PIEZO2: variants seen among roughly 807,000 people sequenced by gnomAD.
PIEZO2 encodes the protein piezo type mechanosensitive ion channel component 2.
Under a neutral mutation model 337.3 loss-of-function variants are expected in PIEZO2, and 172 were observed. The observed-to-expected ratio is 0.51, with a 90% CI of 0.45 to 0.58. The LOEUF is 0.58. PIEZO2 is among the 20% of genes least tolerant of loss of function. The probability of loss-of-function intolerance (pLI) is 0.00; values close to 1 mark genes in which losing one functional copy is unlikely to be tolerated. For missense variants in PIEZO2, 3,028 were observed against 3,391.3 expected, an observed-to-expected ratio of 0.89 and a Z score of 2.66; for synonymous variants, 1,251 against 1,228.5, an observed-to-expected ratio of 1.02 and a Z score of -0.38.
intron 42 of PIEZO2, 186 bp downstream of exon 42, chr18:10,704,208 G>A (rs903203304): frequency 1.1e-4 from 82 of 750,556 alleles, no homozygotes; most frequent in Non-Finnish European, 9.6e-5. Flanking sequence ...TTAGAATTGC[G>A]AGTGCTAGGT....
At position 10,794,590 on chromosome 18, in the gene PIEZO2, C is replaced by A. The variant is rs1385301844; in HGVS notation, c.1758+182G>T. 1.3e-5 allele frequency among the ~76,000 whole-genome samples: 2 copies of A among 152,108 alleles called. No individual in the cohort carries two copies. Among genetic ancestry groups the A allele is most frequent in the Non-Finnish European group, 2.9e-5 (2 of 68,030 alleles). On this transcript the variant is annotated intron_variant, in intron 13 of 55. Coordinates refer to ENST00000674853, the MANE Select transcript of PIEZO2 (RefSeq NM_001378183.1). The surrounding 1 kb of genome is among the most constrained non-coding windows in gnomAD (Gnocchi z 6.6). ...GCTAAATCATGGTGTAATATATGTT[C>A]ATGTTTAAATTATAGAGGCCTCTAA...
chr18:11,100,414 A>C (rs1435903860), intron 1 of PIEZO2, among the ~76,000 whole-genome samples: 1 of 152,240 alleles, frequency 6.6e-6, no homozygotes. Flanking sequence ...TTGACACTAA[A>C]GTGATGATGG....
intron 7 of PIEZO2, among the ~76,000 whole-genome samples, chr18:10,845,211 T>TAC (rs1485204623): frequency 6.6e-6 from 1 of 151,706 alleles, no homozygotes; most frequent in Non-Finnish European, 1.5e-5. Flanking sequence ...TATATATATA[T>TAC]ATAAACACAC....
chr18:10,866,999 C>T lies in PIEZO2; in HGVS notation c.492+4254G>A, dbSNP rs575363337. Among the ~76,000 whole-genome samples, 28 of 152,284 alleles carry T rather than the reference C, an allele frequency of 1.8e-4. 1 individual carries two copies. The highest frequency in any genetic ancestry group is 6.5e-4 in the African/African-American group (27 of 41,566). On this transcript the variant is annotated intron_variant, in intron 5 of 55. Coordinates refer to ENST00000674853, the MANE Select transcript of PIEZO2 (RefSeq NM_001378183.1). ...GACCTTAAGGACCAGCAAAGGGAGT[C>T]GCCCACTTTACCCACTAAGAGTGGC...
chr18:10,874,551 T>C (rs2144807963), intron 4 of PIEZO2, among the ~76,000 whole-genome samples: 1 of 152,272 alleles, frequency 6.6e-6, no homozygotes, highest in East Asian at 1.9e-4. Context: ...AGTCAAGATA[T>C]GGAATCAACT....
At chr18:10,717,772 A>T (rs544106588) in intron 37 of PIEZO2, among the ~76,000 whole-genome samples, 1 of 152,286 alleles carries the variant, frequency 6.6e-6, no homozygotes, top group East Asian at 1.9e-4. Flanking sequence ...TAAAATGAAG[A>T]GTTTGGCCCT....
At position 11,003,276 on chromosome 18, in the gene PIEZO2, TG is replaced by T. The variant is rs1805835856; in HGVS notation, c.161-23617del. Among the ~76,000 whole-genome samples the T allele has an allele frequency of 6.6e-6, 1 of 152,248 alleles. No homozygotes were observed. The highest frequency in any genetic ancestry group is 2.1e-4 in the South Asian group (1 of 4,838). The stretch of plus-strand genomic sequence containing the variant: ...GTTGTTTGTTTGTTTTGTTTTGTTT[TG>T]TTTTGCCAATTCACTTAACAAACCA... On this transcript the variant is annotated intron_variant, in intron 2 of 55. Transcript: ENST00000674853. The surrounding 1 kb of genome is among the most constrained non-coding windows in gnomAD (Gnocchi z 4.6).
At chr18:10,728,782 C>T (rs1190593637) in intron 36 of PIEZO2, among the ~76,000 whole-genome samples, 5 of 151,746 alleles carry the variant, frequency 3.3e-5, no homozygotes, top group African/African-American at 7.3e-5. Flanking sequence ...GGTGAAACCT[C>T]GTCTCTACTA....
chr18:10,721,541 C>T (rs796885803), intron 36 of PIEZO2, among the ~76,000 whole-genome samples: 42 of 151,806 alleles, frequency 2.8e-4, no homozygotes, highest in African/African-American at 8.2e-4. Context: ...CCAAACATTC[C>T]GGAAGGACAA....
At chr18:11,015,330 G>A (rs2036079273) in intron 2 of PIEZO2, among the ~76,000 whole-genome samples, 1 of 152,094 alleles carries the variant, frequency 6.6e-6, no homozygotes, top group Admixed American at 6.5e-5. Context: ...TCACTCCTCA[G>A]TATGGGGCAT....
At chr18:11,090,663 C>G (rs539221780) in intron 1 of PIEZO2, among the ~76,000 whole-genome samples, 6 of 152,220 alleles carry the variant, frequency 3.9e-5, no homozygotes, top group African/African-American at 1.4e-4. Flanking sequence ...CAAACACATC[C>G]CCCACTTCCT....
At position 10,748,605 on chromosome 18, in the gene PIEZO2, A is replaced by C. The variant is rs8096037; in HGVS notation, c.4290T>G (p.Leu1430=). The part of the protein sequence containing the change: ...QMPAANSPCT[L]PSGEAGIIWD... The stretch of plus-strand genomic sequence containing the variant: ...AAATGATTCCTGCTTCCCCACTGGG[A>C]AGTGTACAGGGTGAATTAGCAGCAG... Residue 1430 remains leucine (L), a synonymous_variant, in exon 30 of 56, where the codon CTT becomes CTG. Coordinates refer to ENST00000674853, the MANE Select transcript of PIEZO2 (RefSeq NM_001378183.1). This position sits in a 1 kb window ranked among gnomAD's most constrained non-coding sequence, Gnocchi z 5.1. 2.3e-5 allele frequency: 35 copies of C among 1,524,994 alleles called. No individual in the cohort carries two copies. In the Middle Eastern group the frequency reaches 8.4e-4, roughly 37 times the overall value. 94.5% of individuals were successfully genotyped at this position (1,524,994 alleles called of 1,614,324 possible).
intron 49 of PIEZO2, among the ~76,000 whole-genome samples, chr18:10,684,533 C>A (rs1484321996): frequency 6.6e-6 from 1 of 150,436 alleles, no homozygotes; most frequent in Non-Finnish European, 1.5e-5. Context: ...GGTGCAGTCT[C>A]AGCTCACTGC....
chr18:11,148,574 C>G lies in PIEZO2; in HGVS notation c.15G>C (p.Val5=), dbSNP rs570877991. 1.3e-6 allele frequency: 2 copies of G among 1,537,168 alleles called. No individual in the cohort carries two copies. Among genetic ancestry groups the G allele is most frequent in the South Asian group, 2.4e-5 (2 of 84,064 alleles). The change falls in exon 1 of 56, where the codon GTG becomes GTC. Residue 5 remains valine (V), a synonymous_variant. Coordinates refer to ENST00000674853, the MANE Select transcript of PIEZO2 (RefSeq NM_001378183.1). This position sits in a 1 kb window ranked among gnomAD's most constrained non-coding sequence, Gnocchi z 5.2. ...GCAGCCTGAAGATGAGCCCGCACAC[C>G]ACTTCTGAGGCCATCGCGTCGGTCC... MASE[V]VCGLIFRLLL... is the part of the protein sequence containing the mutation.
chr18:10,785,021 G>T, intron 16 of PIEZO2, 64 bp from the exon 17 acceptor site: 2 of 1,457,014 alleles, frequency 1.4e-6, no homozygotes, highest in Non-Finnish European at 9.1e-7. Context: ...CAAACTCTTT[G>T]TGATAAACTA....
chr18:11,088,282 C>CT (rs1359789554), intron 1 of PIEZO2, among the ~76,000 whole-genome samples: 2 of 152,176 alleles, frequency 1.3e-5, no homozygotes, highest in Admixed American at 1.3e-4. Flanking sequence ...AGCTCCCACT[C>CT]TGACTCTCTT....
chr18:11,093,760 C>T (rs561147052), intron 1 of PIEZO2, among the ~76,000 whole-genome samples: 1 of 152,008 alleles, frequency 6.6e-6, no homozygotes, highest in South Asian at 2.1e-4. Context: ...CTTAAACTAT[C>T]TTAAAAGAAA....
chr18:11,014,207 G>A (rs2660268), intron 2 of PIEZO2, among the ~76,000 whole-genome samples: 45,919 of 149,674 alleles, frequency 0.31, 7,145 homozygotes, highest in Non-Finnish European at 0.36. Flanking sequence ...GTGGGACAGC[G>A]ATCTAGGGCC....
chr18:10,990,909 T>A (rs1014511193), intron 2 of PIEZO2, among the ~76,000 whole-genome samples: 12 of 151,988 alleles, frequency 7.9e-5, no homozygotes. Flanking sequence ...TTGACAATAT[T>A]TTGTGAAAAA....
Sources: gnomAD v4.1 joint callset for allele counts (sites outside exome capture counted in the v4.1 genomes callset) on GRCh38, gnomAD v4.1.1 for gene constraint, Gnocchi (gnomAD v3.1) non-coding constraint, MANE v1.5 for transcripts, NCBI Gene and HGNC (gene_info 2026-07-23, HGNC 2026-07-21) for gene names.